Variants in DNAAF5 observed in about 807,000 individuals in gnomAD.
DNAAF5 encodes the protein HEAT repeat containing 2.
A neutral mutation model predicts 75.8 loss-of-function variants in DNAAF5; 64 were observed. That is an observed-to-expected ratio of 0.84 (90% CI 0.69 to 1.04). DNAAF5 has a LOEUF of 1.04. DNAAF5 is among the 50% of genes least tolerant of loss of function. The pLI, the probability that DNAAF5 is intolerant of heterozygous loss-of-function variation, is 0.00. For synonymous variants in DNAAF5, 657 were observed against 557.2 expected (o/e 1.18, Z -2.52); for missense variants, 1,269 against 1,178.5 (o/e 1.08, Z -1.12).
chr7:741,616 G>T, intron 4 of DNAAF5, 151 bp downstream of exon 4: 1 of 602,114 alleles, frequency 1.7e-6, no homozygotes, highest in Non-Finnish European at 3.0e-6. Flanking sequence ...CTGGGCTGGG[G>T]CTCCTGCATC....
intron 8 of DNAAF5, among the ~76,000 whole-genome samples, chr7:768,141 G>A (rs1163503067): frequency 9.8e-6 from 1 of 101,808 alleles, no homozygotes; most frequent in Non-Finnish European, 2.0e-5. Context: ...TCCATGCTGC[G>A]AGCGCTCGCG....
At chr7:776,004 G>A (rs1038784954) in intron 11 of DNAAF5, among the ~76,000 whole-genome samples, 17 of 152,148 alleles carry the variant, frequency 1.1e-4, no homozygotes, top group Admixed American at 3.3e-4. Context: ...ACCAAGGGAC[G>A]ACTGTATTTA....
intron 2 of DNAAF5, among the ~76,000 whole-genome samples, chr7:733,527 C>A (rs944568435): frequency 6.6e-6 from 1 of 152,076 alleles, no homozygotes; most frequent in African/African-American, 2.4e-5. Context: ...GAGACAGTCT[C>A]GCTCTGTCAT....
intron 2 of DNAAF5, among the ~76,000 whole-genome samples, chr7:733,786 G>A (rs576531617): frequency 1.3e-4 from 20 of 152,318 alleles, no homozygotes; most frequent in African/African-American, 2.9e-4. Flanking sequence ...GAGCCACTGC[G>A]CCTGGCCTTA....
At chr7:757,854 G>C (rs540857467) in intron 6 of DNAAF5, among the ~76,000 whole-genome samples, 1 of 152,242 alleles carries the variant, frequency 6.6e-6, no homozygotes, top group African/African-American at 2.4e-5. Context: ...GATCGTTTCC[G>C]GCGGCTTCTA....
intron 2 of DNAAF5, among the ~76,000 whole-genome samples, chr7:735,311 C>G (rs74200860): frequency 6.7e-6 from 1 of 148,296 alleles, no homozygotes; most frequent in Non-Finnish European, 1.5e-5. Context: ...TCATTGCTCA[C>G]GGTGTAGTTC....
intron 4 of DNAAF5, among the ~76,000 whole-genome samples, chr7:745,586 CAT>C (rs1782068394): frequency 1.3e-5 from 2 of 152,324 alleles, no homozygotes; most frequent in South Asian, 4.1e-4. Context: ...CCCATATACA[CAT>C]CTGCACACGT....
Position 770,553 on chromosome 7 carries a change from C to T in DNAAF5, c.1866C>T (p.Arg622=), listed in dbSNP as rs754316026. ...AGCCCTCCCAAGACCCGCAGATGCG[C>T]CTGAAGCTGTTCTCCATCCTGTCCA... ...CLQPSQDPQM[R]LKLFSILSTV... The change falls in exon 9 of 13, where the codon CGC becomes CGT. Residue 622 remains arginine, a synonymous_variant. Transcript: ENST00000297440. The T allele has an allele frequency of 1.7e-5, 28 of 1,613,844 alleles. No homozygotes were observed. Among genetic ancestry groups the T allele is most frequent in the Middle Eastern group, 1.6e-4 (1 of 6,084 alleles).
intron 2 of DNAAF5, among the ~76,000 whole-genome samples, chr7:734,742 A>G (rs922831401): frequency 2.6e-5 from 4 of 152,226 alleles, no homozygotes; most frequent in Admixed American, 2.0e-4. Flanking sequence ...TGCGGCTTCA[A>G]TATCATTACT....
In DNAAF5 at chr7:754,935, C is replaced by G; in HGVS notation, c.1257+114C>G. The G allele has an allele frequency of 1.2e-6, 1 of 801,764 alleles. No homozygotes were observed. The highest frequency in any genetic ancestry group is 1.9e-6 in the Non-Finnish European group (1 of 516,440). 49.7% of individuals were successfully genotyped at this position (801,764 alleles called of 1,614,324 possible). ...TGTAGCCAAGACAGCGTTCCCCTCA[C>G]CCCCGGGCCGCAGGCCCTCCCCACA... On this transcript the variant is annotated intron_variant, in intron 5 of 12. Coordinates refer to ENST00000297440, the MANE Select transcript of DNAAF5 (RefSeq NM_017802.4). The surrounding 1 kb of genome is among the most constrained non-coding windows in gnomAD (Gnocchi z 4.8).
intron 4 of DNAAF5, among the ~76,000 whole-genome samples, chr7:745,125 C>A (rs1782042316): frequency 1.3e-5 from 2 of 152,320 alleles, no homozygotes; most frequent in African/African-American, 2.4e-5. Context: ...TTCAGCTGGG[C>A]TCTCCTCACC....
chr7:761,091 C>G lies in DNAAF5; in HGVS notation c.1471-662C>G, dbSNP rs1021320584. On this transcript the variant is annotated intron_variant, in intron 6 of 12. Coordinates refer to ENST00000297440, the MANE Select transcript of DNAAF5 (RefSeq NM_017802.4). ...GCGCCGTCATTTCCCTCACAGGTGC[C>G]GTGTGCATCACTAACGCAGCTTCTC... Among the ~76,000 whole-genome samples, 7 of 152,212 alleles carry G rather than the reference C, an allele frequency of 4.6e-5. 1 individual carries two copies. The highest frequency in any genetic ancestry group is 2.1e-4 in the South Asian group (1 of 4,832).
Position 785,789 on chromosome 7 carries a change from C to A in DNAAF5, c.*136C>A. 1 of 964,720 alleles carries A rather than the reference C, an allele frequency of 1.0e-6. No individual in the cohort carries two copies. The highest frequency in any genetic ancestry group is 1.5e-6 in the Non-Finnish European group (1 of 667,464). 59.8% of individuals were successfully genotyped at this position (964,720 alleles called of 1,614,324 possible). Reference sequence around the variant, plus strand: ...AAGAATGTACTCCTCAGGACACCTGCCCACTCTTTCCCTGGAATAACAGCC... The same window carrying A: ...AAGAATGTACTCCTCAGGACACCTGACCACTCTTTCCCTGGAATAACAGCC... On this transcript the variant is annotated 3_prime_UTR_variant, in exon 13 of 13. Transcript: ENST00000297440.
chr7:767,938 G>A (rs564101040), intron 8 of DNAAF5, among the ~76,000 whole-genome samples: 5 of 150,482 alleles, frequency 3.3e-5, no homozygotes, highest in Admixed American at 6.6e-5. Flanking sequence ...GGGCGGACAC[G>A]TGGCTCCGGG....
intron 4 of DNAAF5, among the ~76,000 whole-genome samples, chr7:753,666 G>C (rs997524642): frequency 9.2e-5 from 14 of 151,778 alleles, no homozygotes; most frequent in African/African-American, 2.7e-4. Context: ...TGGCTTCGCA[G>C]GCTTGTCTCT....
At chr7:753,534 GTC>G (rs1440527681) in intron 4 of DNAAF5, among the ~76,000 whole-genome samples, 1 of 152,204 alleles carries the variant, frequency 6.6e-6, no homozygotes, top group African/African-American at 2.4e-5. Context: ...TCGCAGCCGT[GTC>G]TCTCATATGG....
At chr7:753,876 G>A (rs1301178561) in intron 4 of DNAAF5, among the ~76,000 whole-genome samples, 2 of 135,248 alleles carry the variant, frequency 1.5e-5, no homozygotes, top group African/African-American at 5.7e-5. Flanking sequence ...CGACGGCTTC[G>A]CAGGCGTCTC....
chr7:740,184 G>A (rs1018584183), intron 2 of DNAAF5, among the ~76,000 whole-genome samples: 4 of 152,176 alleles, frequency 2.6e-5, no homozygotes, highest in African/African-American at 7.2e-5. Flanking sequence ...GCTGGTCCCC[G>A]TCTCAGGCAT....
At position 726,867 on chromosome 7, in the gene DNAAF5, C is replaced by A; in HGVS notation, c.147C>A (p.Ala49=). ...ACAGCAAGCCGGGCCGGCGGCGCGCCTTGGAGGCCCTGCGGCGCGCGCTGG... is the reference window on the plus strand; with the variant it reads ...ACAGCAAGCCGGGCCGGCGGCGCGCATTGGAGGCCCTGCGGCGCGCGCTGG... ...EADSKPGRRR[A]LEALRRALEE... Residue 49 remains alanine, a synonymous_variant, in exon 1 of 13, where the codon GCC becomes GCA. Coordinates refer to ENST00000297440, the MANE Select transcript of DNAAF5 (RefSeq NM_017802.4). 7.6e-7 allele frequency: 1 copy of A among 1,320,522 alleles called. No individual in the cohort carries two copies. The highest frequency in any genetic ancestry group is 9.6e-7 in the Non-Finnish European group (1 of 1,037,872). 81.8% of individuals were successfully genotyped at this position (1,320,522 alleles called of 1,614,324 possible). A position where few individuals can be genotyped will look rare whatever the true frequency, so the allele number is the denominator to read the frequency against.
Sources: allele counts gnomAD v4.1 joint callset (sites outside exome capture counted in the v4.1 genomes callset), GRCh38; gene constraint gnomAD v4.1.1; non-coding constraint Gnocchi (gnomAD v3.1); transcripts MANE v1.5; gene names NCBI Gene and HGNC (gene_info 2026-07-23, HGNC 2026-07-21).